MEF2C: variants seen among roughly 807,000 people sequenced by gnomAD.
MEF2C encodes the protein myocyte-specific enhancer factor 2C.
MEF2C carries 6 observed loss-of-function variants against 50.5 expected under a neutral mutation model. The ratio of observed to expected loss-of-function variants is 0.12; its 90% confidence interval spans 0.07 to 0.23. MEF2C has a LOEUF of 0.23. MEF2C is among the 10% of genes least tolerant of loss of function. The pLI is 1.00. For missense variants in MEF2C, 276 were observed against 605.0 expected (o/e 0.46, Z 5.70); for synonymous variants, 183 against 228.0 (o/e 0.80, Z 1.78).
At chr5:88,839,231 T>C (rs1030493576) in intron 1 of MEF2C, 8 of 152,288 alleles carry the variant, frequency 5.3e-5, no homozygotes, top group Admixed American at 5.2e-4. Flanking sequence ...TACATCTATA[T>C]TCACTTACAT....
chr5:88,755,664 T>A (rs561723841), intron 4 of MEF2C, among the ~76,000 whole-genome samples: 1 of 152,372 alleles, frequency 6.6e-6, no homozygotes, highest in African/African-American at 2.4e-5. Context: ...ATCTCTGGGC[T>A]ACAAATGTTT....
At chr5:88,875,048 T>A (rs949004554) in intron 1 of MEF2C, among the ~76,000 whole-genome samples, 2 of 152,090 alleles carry the variant, frequency 1.3e-5, no homozygotes, top group East Asian at 3.9e-4. Flanking sequence ...TTTTTAAAAA[T>A]CACATGGGTA....
chr5:88,749,205 C>T (rs1561806190), intron 5 of MEF2C, 88 bp from the exon 6 acceptor site: 22 of 1,373,046 alleles, frequency 1.6e-5, no homozygotes, highest in Non-Finnish European at 2.1e-5. Context: ...AGTATTTTGT[C>T]CTCTTGCAAT....
intron 3 of MEF2C, chr5:88,766,551 C>A (rs945695736): frequency 1.3e-6 from 1 of 783,714 alleles, no homozygotes; most frequent in African/African-American, 1.9e-5. Context: ...ACCACCATCA[C>A]AGACTAAAAG....
intron 6 of MEF2C, chr5:88,741,033 A>G (rs1416167500): frequency 4.1e-6 from 4 of 985,314 alleles, no homozygotes; most frequent in Non-Finnish European, 4.8e-6. Flanking sequence ...TCAGAAGTTC[A>G]TAACGTTCAA....
chr5:88,767,664 T>C (rs1780616981), intron 3 of MEF2C, among the ~76,000 whole-genome samples: 1 of 152,230 alleles, frequency 6.6e-6, no homozygotes, highest in Non-Finnish European at 1.5e-5. Flanking sequence ...GATATTGTCA[T>C]TGTTTTTATT....
At chr5:88,723,954 A>T (rs1757444855) in intron 10 of MEF2C, among the ~76,000 whole-genome samples, 1 of 151,878 alleles carries the variant, frequency 6.6e-6, no homozygotes, top group African/African-American at 2.4e-5. Context: ...AGTGTAGATT[A>T]GCAATCACAA....
At chr5:88,768,610 G>T (rs964852036) in intron 3 of MEF2C, 1 of 846,336 alleles carries the variant, frequency 1.2e-6, no homozygotes, top group Non-Finnish European at 1.4e-6. Context: ...CACAAGGCCT[G>T]GCAAGTGGTC....
intron 1 of MEF2C, among the ~76,000 whole-genome samples, chr5:88,857,556 C>T (rs561387587): frequency 6.6e-6 from 1 of 152,158 alleles, no homozygotes; most frequent in East Asian, 1.9e-4. Context: ...AGTCTTATCT[C>T]GAATTATAGG....
intron 1 of MEF2C, chr5:88,888,201 CACAG>C (rs1357481776): frequency 2.6e-5 from 4 of 152,204 alleles, no homozygotes; most frequent in African/African-American, 9.6e-5. Context: ...CTATACTGAG[CACAG>C]ACAAATGCTC....
At chr5:88,723,013 C>T in intron 10 of MEF2C, 88 bp from the exon 11 acceptor site, 1 of 1,146,180 alleles carries the variant, frequency 8.7e-7, no homozygotes, top group Non-Finnish European at 1.2e-6. Context: ...AGCTTAAAGA[C>T]TCGCATAGAC....
rs1225593791 is a variant in MEF2C, at chr5:88,722,221, T to G, written c.*383A>C. 1.1e-5 allele frequency: 2 copies of G among 176,322 alleles called. No individual in the cohort carries two copies. Among genetic ancestry groups the G allele is most frequent in the Admixed American group, 1.1e-4 (2 of 17,932 alleles). The allele number at this position is 176,322 out of a possible 1,614,324, so 10.9% of individuals were successfully genotyped here. ...TATGTTGCATAACAGCTGCTCTCTC[T>G]TTCAGTAAAGATCTGCCGCTTTTGG... On this transcript the variant is annotated 3_prime_UTR_variant, in exon 11 of 11. Coordinates refer to ENST00000504921, the MANE Select transcript of MEF2C (RefSeq NM_002397.5).
At chr5:88,880,588 G>C (rs1164456645) in intron 1 of MEF2C, among the ~76,000 whole-genome samples, 1 of 152,114 alleles carries the variant, frequency 6.6e-6, no homozygotes, top group African/African-American at 2.4e-5. Context: ...TATAAAAGAA[G>C]TTTAAATAAA....
At chr5:88,765,536 T>C (rs1049678043) in intron 3 of MEF2C, among the ~76,000 whole-genome samples, 2 of 152,232 alleles carry the variant, frequency 1.3e-5, no homozygotes, top group Non-Finnish European at 2.9e-5. Context: ...ATCACAGTAA[T>C]GAATAGTCGA....
intron 1 of MEF2C, chr5:88,880,885 A>G (rs895323215): frequency 6.6e-6 from 1 of 152,120 alleles, no homozygotes; most frequent in Non-Finnish European, 1.5e-5. Context: ...CTCATTTGTT[A>G]TTGAAATAAA....
At chr5:88,765,559 G>C (rs769507389) in intron 3 of MEF2C, among the ~76,000 whole-genome samples, 3 of 152,146 alleles carry the variant, frequency 2.0e-5, no homozygotes, top group Admixed American at 6.5e-5. Flanking sequence ...TGAACGAAAG[G>C]GCTGACTAAA....
At chr5:88,811,936 C>T (rs752499031) in intron 2 of MEF2C, among the ~76,000 whole-genome samples, 2 of 152,104 alleles carry the variant, frequency 1.3e-5, no homozygotes. Flanking sequence ...CTTAACTTAC[C>T]GGAACCCCAG....
intron 3 of MEF2C, among the ~76,000 whole-genome samples, chr5:88,795,003 T>A (rs1479341394): frequency 6.6e-6 from 1 of 152,228 alleles, no homozygotes. Flanking sequence ...TTGGTCTGTA[T>A]AACTGTTTTG....
At chr5:88,888,909 A>G (rs1256231234) in intron 1 of MEF2C, 1 of 152,220 alleles carries the variant, frequency 6.6e-6, no homozygotes, top group Non-Finnish European at 1.5e-5. Context: ...AATGTTGTTC[A>G]TCAGAACATT....
Sources: allele counts gnomAD v4.1 joint callset (sites outside exome capture counted in the v4.1 genomes callset), GRCh38; gene constraint gnomAD v4.1.1; transcripts MANE v1.5; gene names NCBI Gene and HGNC (gene_info 2026-07-23, HGNC 2026-07-21).